The following RAPGEFL1 variants were observed in gnomAD, a reference collection of about 807,000 sequenced individuals.
RAPGEFL1 encodes the protein rap guanine nucleotide exchange factor-like 1.
A neutral mutation model predicts 64.4 loss-of-function variants in RAPGEFL1; 31 were observed. The ratio of observed to expected loss-of-function variants is 0.48; its 90% CI spans 0.36 to 0.65. RAPGEFL1 has a LOEUF of 0.65. RAPGEFL1 is among the 30% of genes least tolerant of loss of function. The pLI, the probability that RAPGEFL1 is intolerant of heterozygous loss-of-function variation, is 0.00. For missense variants in RAPGEFL1, 682 were observed against 677.4 expected (o/e 1.01, Z -0.08); for synonymous variants, 331 against 274.1 (o/e 1.21, Z -2.05).
chr17:40,188,113 C>T (rs756191229), intron 4 of RAPGEFL1, among the ~76,000 whole-genome samples: 17 of 151,866 alleles, frequency 1.1e-4, no homozygotes, highest in Non-Finnish European at 2.2e-4. Context: ...CGGGGTTTCA[C>T]CATGTTGGCC....
chr17:40,190,523 G>C lies in RAPGEFL1; in HGVS notation c.1204G>C (p.Glu402Gln). 6.2e-7 allele frequency: 1 copy of C among 1,614,194 alleles called. No homozygotes were observed. Among genetic ancestry groups the C allele is most frequent in the Non-Finnish European group, 8.5e-7 (1 of 1,180,030 alleles). Residue 402 changes from glutamate to glutamine, a missense_variant, in exon 7 of 15, where the codon GAG becomes CAG. By Grantham distance (29) the Glu-to-Gln change is conservative. Around this residue, in one of 2 missense-constraint regions of RAPGEFL1, gnomAD observed 411 missense variants for 519.4 expected, o/e 0.79. Coordinates refer to ENST00000620260, the MANE Select transcript of RAPGEFL1 (RefSeq NM_016339.6). ...HLFACTRDSYEALVPLPEEIQ... is the reference protein window; with the variant it reads ...HLFACTRDSYQALVPLPEEIQ... ...GTTTGCCTGTACTCGGGACAGCTAT[G>C]AGGCTCTGGTAAGAACTTCCCAAGG...
chr17:40,190,587 AT>A, intron 7 of RAPGEFL1, 52 bp from the exon 8 acceptor site: 1 of 1,614,028 alleles, frequency 6.2e-7, no homozygotes, highest in East Asian at 2.2e-5. Flanking sequence ...GCTGTGAGCA[AT>A]CCCTCACCCT....
intron 13 of RAPGEFL1, 134 bp downstream of exon 13, chr17:40,193,124 C>T: frequency 9.9e-7 from 1 of 1,005,334 alleles, no homozygotes. Flanking sequence ...GACTGTCTCC[C>T]TGGTGGCATC....
At chr17:40,184,463 G>C in intron 3 of RAPGEFL1, 114 bp downstream of exon 3, 1 of 1,182,726 alleles carries the variant, frequency 8.5e-7, no homozygotes, top group Non-Finnish European at 1.2e-6. Context: ...ATGCCAGGGG[G>C]CCTTAGCTTA....
chr17:40,190,425 C>T lies in RAPGEFL1; in HGVS notation c.1115-9C>T, dbSNP rs375994124. On this transcript the variant is annotated splice_polypyrimidine_tract_variant and intron_variant, in intron 6 of 14. Coordinates refer to ENST00000620260, the MANE Select transcript of RAPGEFL1 (RefSeq NM_016339.6). The stretch of plus-strand genomic sequence containing the variant: ...AGGGGCCGAGGATGAGCAGCTCTTT[C>T]TCCTGCAGAGAAGGTCCTTCTCCAG... The T allele has an allele frequency of 2.5e-6, 4 of 1,613,624 alleles. No individual in the cohort carries two copies. Among genetic ancestry groups the T allele is most frequent in the Admixed American group, 1.7e-5 (1 of 60,006 alleles).
intron 14 of RAPGEFL1, 50 bp downstream of exon 14, chr17:40,193,467 G>A (rs777465200): frequency 8.1e-6 from 13 of 1,601,936 alleles, no homozygotes; most frequent in South Asian, 6.6e-5. Context: ...TTGACTGAAC[G>A]GGAGGGTTCA....
intron 1 of RAPGEFL1, chr17:40,181,354 A>C: frequency 1.7e-6 from 1 of 591,114 alleles, no homozygotes; most frequent in Non-Finnish European, 3.2e-6. Flanking sequence ...GCTGAAGAGA[A>C]GTGCACATGG....
chr17:40,192,321 T>C, intron 11 of RAPGEFL1, 58 bp downstream of exon 11: 2 of 1,542,784 alleles, frequency 1.3e-6, no homozygotes, highest in Non-Finnish European at 9.0e-7. Context: ...AACCCTCTGT[T>C]CCCATAAACC....
chr17:40,192,720 C>T (rs761593980), intron 12 of RAPGEFL1, 27 bp downstream of exon 12: 11 of 1,587,450 alleles, frequency 6.9e-6, no homozygotes, highest in African/African-American at 1.3e-5. Context: ...CAAGCTGTGC[C>T]GCTTCCACCC....
chr17:40,177,998 CAGCCGGGGG>C lies in RAPGEFL1; in HGVS notation c.139_147del (p.Ala47_Gly49del). On this transcript the variant is annotated inframe_deletion, in exon 1 of 15. Coordinates refer to ENST00000620260, the MANE Select transcript of RAPGEFL1 (RefSeq NM_016339.6). ...GGGGGACCCGGCGGGGGCGGCGGTC[CAGCCGGGGG>C]ACAGCGGTCGTTGCAGCGGCGTCAG... is the stretch of plus-strand genomic sequence containing the variant. The C allele has an allele frequency of 2.1e-6, 1 of 482,878 alleles. No individual in the cohort carries two copies. Among genetic ancestry groups the C allele is most frequent in the Non-Finnish European group, 3.7e-6 (1 of 272,512 alleles). 29.9% of individuals were successfully genotyped at this position (482,878 alleles called of 1,614,324 possible).
In RAPGEFL1 at chr17:40,184,358, G is replaced by A. The variant is rs376178578; in HGVS notation, c.735+9G>A. On this transcript the variant is annotated intron_variant, in intron 3 of 14. Transcript: ENST00000620260. The stretch of plus-strand genomic sequence containing the variant: ...CCGGCCACATCATCAAGGTGGGCCT[G>A]GGGGAAGAGAAGGTGGGTAAACAGG... The A allele has an allele frequency of 1.9e-6, 3 of 1,602,306 alleles. No homozygotes were observed. In the African/African-American group the frequency reaches 4.1e-5, roughly 22 times the overall value.
rs1473180740 is a variant in RAPGEFL1 at position 40,178,092 on chromosome 17, G to A, written c.231G>A (p.Leu77=). 2 of 593,596 alleles carry A rather than the reference G, an allele frequency of 3.4e-6. No homozygotes were observed. Among genetic ancestry groups the A allele is most frequent in the Non-Finnish European group, 5.9e-6 (2 of 336,818 alleles). The allele number at this position is 593,596 out of a possible 1,614,324, so 36.8% of individuals were successfully genotyped here. A position where few individuals can be genotyped will look rare whatever the true frequency, so the allele number is the denominator to read the frequency against. ...GGGAGCCCCCCGCCGAGCCGGGGCT[G>A]GAGCCGCCCCCTGAGGAGGAAGGAG... The part of the protein sequence containing the change: ...FLREPPAEPG[L]EPPPEEEGGE... The change falls in exon 1 of 15, where the codon CTG becomes CTA. Residue 77 remains leucine (L), a synonymous_variant. Transcript: ENST00000620260.
chr17:40,177,380 AGCCTCGT>A, upstream of RAPGEFL1: 1 of 589,838 alleles, frequency 1.7e-6, no homozygotes, highest in Non-Finnish European at 3.2e-6. Context: ...CGCGAGTTCA[AGCCTCGT>A]GCGGCGCGGG....
chr17:40,190,550 C>T lies in RAPGEFL1; in HGVS notation c.1212+19C>T. 1.2e-6 allele frequency: 2 copies of T among 1,613,954 alleles called. No individual in the cohort carries two copies. Among genetic ancestry groups the T allele is most frequent in the Non-Finnish European group, 1.7e-6 (2 of 1,179,952 alleles). On this transcript the variant is annotated intron_variant, in intron 7 of 14. Transcript: ENST00000620260. ...GGCTCTGGTAAGAACTTCCCAAGGCCTTGACTGGAATGGAGGGCTGAGGAG... is the reference window on the plus strand; with the variant it reads ...GGCTCTGGTAAGAACTTCCCAAGGCTTTGACTGGAATGGAGGGCTGAGGAG...
At chr17:40,180,856 C>A (rs920001312) in intron 1 of RAPGEFL1, among the ~76,000 whole-genome samples, 2 of 152,226 alleles carry the variant, frequency 1.3e-5, no homozygotes, top group Non-Finnish European at 2.9e-5. Flanking sequence ...GGTGAGGACA[C>A]CTGGCTCCCT....
At chr17:40,183,641 T>G (rs906956635) in intron 2 of RAPGEFL1, among the ~76,000 whole-genome samples, 1 of 148,260 alleles carries the variant, frequency 6.7e-6, no homozygotes, top group Non-Finnish European at 1.5e-5. Flanking sequence ...TGCCTCAGCC[T>G]CCCGAGTAGC....
rs540016725 is a variant in RAPGEFL1, at chr17:40,184,667, G to A, written c.822G>A (p.Thr274=). The change falls in exon 4 of 15, where the codon ACG becomes ACA. Residue 274 remains threonine (T), a synonymous_variant. Transcript: ENST00000620260. ...DTLRLHQLVE[T]VELKIPEENQ... ...TGAGGCTGCACCAGCTGGTGGAGACGGTGGAACTAAAGTGAGGGGGAGTGG... is the reference window on the plus strand; with the variant it reads ...TGAGGCTGCACCAGCTGGTGGAGACAGTGGAACTAAAGTGAGGGGGAGTGG... The A allele has an allele frequency of 1.8e-4, 288 of 1,577,010 alleles. 3 individuals are homozygous for A. In the South Asian group the frequency reaches 3.1e-3, roughly 17 times the overall value.
chr17:40,190,615 C>T, intron 7 of RAPGEFL1, 25 bp from the exon 8 acceptor site: 1 of 1,613,914 alleles, frequency 6.2e-7, no homozygotes, highest in South Asian at 1.1e-5. Context: ...AGGAGCCCAG[C>T]CCCTATGCCC....
chr17:40,180,779 C>G (rs1201723999), intron 1 of RAPGEFL1, among the ~76,000 whole-genome samples: 2 of 152,234 alleles, frequency 1.3e-5, no homozygotes, highest in African/African-American at 4.8e-5. Context: ...GATAGTGAAC[C>G]AAGGGGAGTC....
Sources: allele counts gnomAD v4.1 joint callset (sites outside exome capture counted in the v4.1 genomes callset), GRCh38; gene constraint gnomAD v4.1.1; regional missense constraint gnomAD v4.1.1; transcripts MANE v1.5; gene names NCBI Gene and HGNC (gene_info 2026-07-23, HGNC 2026-07-21).